SCN4A: variants seen among roughly 807,000 people sequenced by gnomAD.
SCN4A encodes the protein sodium channel protein type 4 subunit alpha.
Under a neutral mutation model 162.0 loss-of-function variants are expected in SCN4A, and 83 were observed. The ratio of observed to expected loss-of-function variants is 0.51; its 90% CI spans 0.43 to 0.61. The LOEUF is 0.61. Ranked by LOEUF, SCN4A falls within the 20% of genes least tolerant of loss-of-function variation. The pLI is 0.00. For missense variants in SCN4A, 2,196 were observed against 2,462.5 expected (o/e 0.89, Z 2.29); for synonymous variants, 944 against 985.1 (o/e 0.96, Z 0.78).
intron 15 of SCN4A, among the ~76,000 whole-genome samples, 166 bp downstream of exon 15, chr17:63,949,227 T>C (rs1198749800): frequency 6.6e-6 from 1 of 152,232 alleles, no homozygotes; most frequent in African/African-American, 2.4e-5. Flanking sequence ...TGCATGGATC[T>C]TGCACCACAG....
rs140935836 is a variant in SCN4A at position 63,951,981 on chromosome 17, C to T, written c.2377-81G>A. 251 of 806,408 alleles carry T rather than the reference C, an allele frequency of 3.1e-4. No individual in the cohort carries two copies. Among genetic ancestry groups the T allele is most frequent in the Middle Eastern group, 1.7e-3 (5 of 2,938 alleles). 50.0% of individuals were successfully genotyped at this position (806,408 alleles called of 1,614,324 possible). On this transcript the variant is annotated intron_variant, in intron 13 of 23. Transcript: ENST00000435607. The surrounding 1 kb of genome is among the most constrained non-coding windows in gnomAD (Gnocchi z 4.5). ...CACCTTCAGCCAGCACAGGGGTCCT[C>T]GGTCTACAGATCCAAACTACCACAT...
At position 63,966,153 on chromosome 17, in the gene SCN4A, C is replaced by T. The variant is rs1909437425; in HGVS notation, c.1191G>A (p.Leu397=). 1.9e-6 allele frequency: 3 copies of T among 1,591,908 alleles called. No homozygotes were observed. Among genetic ancestry groups the T allele is most frequent in the African/African-American group, 1.3e-5 (1 of 74,518 alleles). The change falls in exon 8 of 24, where the codon TTG becomes TTA. Residue 397 remains leucine (L), a synonymous_variant. Coordinates refer to ENST00000435607, the MANE Select transcript of SCN4A (RefSeq NM_000334.4). ...CCTGTGTCATGAGGCGGAAGAGAGC[C>T]AAGAAGGCCCAGCTGAAGGTGTCAT... ...TSYDTFSWAF[L]ALFRLMTQDY... is the part of the protein sequence containing the mutation.
intron 18 of SCN4A, among the ~76,000 whole-genome samples, chr17:63,946,354 G>A (rs1177109353): frequency 6.6e-6 from 1 of 152,126 alleles, no homozygotes; most frequent in East Asian, 1.9e-4. Context: ...ACAGGAAGGG[G>A]CCGCTTGGGG....
At chr17:63,954,978 G>A (rs960209837) in intron 13 of SCN4A, among the ~76,000 whole-genome samples, 9 of 152,166 alleles carry the variant, frequency 5.9e-5, no homozygotes, top group African/African-American at 1.2e-4. Context: ...ATGAACCAGC[G>A]CGCCCCTCAC....
At chr17:63,947,856 G>A in intron 17 of SCN4A, 34 bp downstream of exon 17, 1 of 1,607,790 alleles carries the variant, frequency 6.2e-7, no homozygotes, top group Non-Finnish European at 8.5e-7. Context: ...ACAGCCTCTG[G>A]ATGTAGCTAC....
chr17:63,965,068 G>A lies in SCN4A; in HGVS notation c.1243-391C>T, dbSNP rs905886415. Among the ~76,000 whole-genome samples the A allele has an allele frequency of 3.9e-5, 6 of 152,146 alleles. No homozygotes were observed. The East Asian group carries it at 5.8e-4, about 15-fold the overall frequency. ...TCAATTTATTTATTTATTTTTAGAC[G>A]TAGTCTCACTCTGTTGCCCAGGCTG... On this transcript the variant is annotated intron_variant, in intron 8 of 23. Coordinates refer to ENST00000435607, the MANE Select transcript of SCN4A (RefSeq NM_000334.4).
chr17:63,961,994 G>A (rs2144800385), intron 10 of SCN4A, among the ~76,000 whole-genome samples: 1 of 151,588 alleles, frequency 6.6e-6, no homozygotes, highest in East Asian at 2.0e-4. Flanking sequence ...CCGCCCCTTA[G>A]TGCAGTAACT....
chr17:63,955,661 C>G (rs887379010), intron 13 of SCN4A, among the ~76,000 whole-genome samples: 13 of 152,182 alleles, frequency 8.5e-5, no homozygotes, highest in Non-Finnish European at 4.4e-5. Context: ...CTTACATCAA[C>G]AAACTCCTAC....
Position 63,963,815 on chromosome 17 carries a change from G to A in SCN4A, c.1463C>T (p.Ala488Val). Residue 488 changes from alanine (A) to valine (V), a missense_variant, in exon 10 of 24, where the codon GCC (alanine) becomes GTC (valine). Transcript: ENST00000435607. ...TGCCTCCCCACCTTCCAGAGCTTGG[G>A]CGGCCTTGGCCTGTAGACCAGCAAG... is the stretch of plus-strand genomic sequence containing the variant. The part of the protein sequence containing the change: ...HQEELEKAKA[A>V]QALEGGEADG... The A allele has an allele frequency of 6.2e-7, 1 of 1,601,230 alleles. No individual in the cohort carries two copies. The highest frequency in any genetic ancestry group is 8.5e-7 in the Non-Finnish European group (1 of 1,174,174).
chr17:63,966,154 A>G lies in SCN4A; in HGVS notation c.1190T>C (p.Leu397Ser). The G allele has an allele frequency of 1.3e-6, 2 of 1,592,756 alleles. No individual in the cohort carries two copies. Among genetic ancestry groups the G allele is most frequent in the African/African-American group, 1.3e-5 (1 of 74,704 alleles). ...TSYDTFSWAF[L>S]ALFRLMTQDY... ...CTGTGTCATGAGGCGGAAGAGAGCC[A>G]AGAAGGCCCAGCTGAAGGTGTCATA... The change falls in exon 8 of 24, where the codon TTG becomes TCG. Residue 397 changes from leucine to serine, a missense_variant. By Grantham distance (145) the Leu-to-Ser change is moderately radical. Coordinates refer to ENST00000435607, the MANE Select transcript of SCN4A (RefSeq NM_000334.4).
chr17:63,956,138 C>T (rs1909064952), intron 13 of SCN4A, among the ~76,000 whole-genome samples: 1 of 152,260 alleles, frequency 6.6e-6, no homozygotes, highest in African/African-American at 2.4e-5. Context: ...ACCTCCTGGC[C>T]CCTTCCTCTG....
chr17:63,945,691 C>T lies in SCN4A; in HGVS notation c.3442-53G>A, dbSNP rs1908694941. 2 of 1,583,488 alleles carry T rather than the reference C, an allele frequency of 1.3e-6. No homozygotes were observed. The highest frequency in any genetic ancestry group is 1.7e-6 in the Non-Finnish European group (2 of 1,154,716). ...GCCTCTCCCAGCCTCTGAGAGAGGGCTCCACATCTCTACGCCACCCAGGGG... is the reference window on the plus strand; with the variant it reads ...GCCTCTCCCAGCCTCTGAGAGAGGGTTCCACATCTCTACGCCACCCAGGGG... On this transcript the variant is annotated intron_variant, in intron 18 of 23. Transcript: ENST00000435607. The surrounding 1 kb of genome is among the most constrained non-coding windows in gnomAD (Gnocchi z 4.4).
At position 63,944,973 on chromosome 17, in the gene SCN4A, G is replaced by A. The variant is rs753404790; in HGVS notation, c.3774+34C>T. On this transcript the variant is annotated intron_variant, in intron 20 of 23. Transcript: ENST00000435607. The surrounding 1 kb of genome is among the most constrained non-coding windows in gnomAD (Gnocchi z 4.3). ...TGTCTTGAGTCCTCTTCCCTGGCTC[G>A]CTCACCAGCCACATCTCAGCGACCC... 3.2e-5 allele frequency: 51 copies of A among 1,608,496 alleles called. No individual in the cohort carries two copies. Among genetic ancestry groups the A allele is most frequent in the East Asian group, 2.2e-4 (10 of 44,804 alleles).
intron 11 of SCN4A, 50 bp from the exon 12 acceptor site, chr17:63,959,488 C>G: frequency 1.3e-6 from 2 of 1,567,118 alleles, no homozygotes. Flanking sequence ...AGCCCAGGGC[C>G]CTGGAAGTCT....
chr17:63,963,010 C>T (rs1019540065), intron 10 of SCN4A, among the ~76,000 whole-genome samples: 7 of 152,138 alleles, frequency 4.6e-5, no homozygotes, highest in Non-Finnish European at 7.3e-5. Flanking sequence ...GTCAGAATTC[C>T]TTTTCTCTAT....
Position 63,951,990 on chromosome 17 carries a change from G to A in SCN4A, c.2377-90C>T, listed in dbSNP as rs562964372. The stretch of plus-strand genomic sequence containing the variant: ...CCAGCACAGGGGTCCTCGGTCTACA[G>A]ATCCAAACTACCACATGTTGGGCAT... On this transcript the variant is annotated intron_variant, in intron 13 of 23. Transcript: ENST00000435607. The surrounding 1 kb of genome is among the most constrained non-coding windows in gnomAD (Gnocchi z 4.5). 6 of 718,440 alleles carry A rather than the reference G, an allele frequency of 8.4e-6. No homozygotes were observed. The highest frequency in any genetic ancestry group is 1.1e-5 in the Non-Finnish European group (5 of 443,476). 44.5% of individuals were successfully genotyped at this position (718,440 alleles called of 1,614,324 possible).
At position 63,951,832 on chromosome 17, in the gene SCN4A, C is replaced by T. The variant is rs1475908071; in HGVS notation, c.2445G>A (p.Glu815=). ...TCTGCAGGTTGTTCATCTCGCCATCCTCATCCGAGGCTGCCAGACTGTCGG... is the reference window on the plus strand; with the variant it reads ...TCTGCAGGTTGTTCATCTCGCCATCTTCATCCGAGGCTGCCAGACTGTCGG... The part of the protein sequence containing the change: ...FSADSLAASD[E]DGEMNNLQIA... Residue 815 remains glutamate, a synonymous_variant, in exon 14 of 24, where the codon GAG becomes GAA. Transcript: ENST00000435607. The surrounding 1 kb of genome is among the most constrained non-coding windows in gnomAD (Gnocchi z 4.5). 3 of 1,575,062 alleles carry T rather than the reference C, an allele frequency of 1.9e-6. No individual in the cohort carries two copies. The highest frequency in any genetic ancestry group is 2.6e-6 in the Non-Finnish European group (3 of 1,162,186).
In SCN4A at chr17:63,941,394, C is replaced by T. The variant is rs540950122; in HGVS notation, c.4888G>A (p.Asp1630Asn). 2.2e-5 allele frequency: 35 copies of T among 1,613,882 alleles called. No individual in the cohort carries two copies. The highest frequency in any genetic ancestry group is 8.9e-5 in the East Asian group (4 of 44,876). The stretch of plus-strand genomic sequence containing the variant: ...CTGTAGGCGATGAACTGGGTGGCGT[C>T]GGGGTCGAACTTCTCCCATGTCTCG... ...FYETWEKFDP[D>N]ATQFIAYSRL... Residue 1630 changes from aspartate (D) to asparagine (N), a missense_variant, in exon 24 of 24, where the codon GAC (aspartate) becomes AAC (asparagine). Asp to Asn is a conservative substitution (Grantham distance 23). Transcript: ENST00000435607. The surrounding 1 kb of genome is among the most constrained non-coding windows in gnomAD (Gnocchi z 6.2).
chr17:63,947,793 C>G, intron 17 of SCN4A, 97 bp downstream of exon 17: 3 of 1,264,726 alleles, frequency 2.4e-6, no homozygotes, highest in Middle Eastern at 5.4e-4. Context: ...GGGGTGGCCT[C>G]GGGCAGGTCC....
Sources: gnomAD v4.1 joint callset for allele counts (sites outside exome capture counted in the v4.1 genomes callset) on GRCh38, gnomAD v4.1.1 for gene constraint, Gnocchi (gnomAD v3.1) non-coding constraint, MANE v1.5 for transcripts, NCBI Gene and HGNC (gene_info 2026-07-23, HGNC 2026-07-21) for gene names.